Variants in ZNF385B observed in about 807,000 individuals in gnomAD.
ZNF385B encodes zinc finger protein 385B, also known as zinc finger protein 533.
A neutral mutation model predicts 39.2 loss-of-function variants in ZNF385B; 23 were observed. The ratio of observed to expected loss-of-function variants is 0.59; its 90% CI spans 0.42 to 0.83. The LOEUF is 0.83. Among genes scored for constraint, ZNF385B ranks in the 40% least tolerant of loss-of-function variants. The pLI is 0.00. For synonymous variants in ZNF385B, 205 were observed against 222.6 expected, an observed-to-expected ratio of 0.92 and a Z score of 0.70; for missense variants, 552 against 598.9, an observed-to-expected ratio of 0.92 and a Z score of 0.82.
At chr2:179,782,345 A>G (rs1233652632) in intron 1 of ZNF385B, among the ~76,000 whole-genome samples, 2 of 152,200 alleles carry the variant, frequency 1.3e-5, no homozygotes, top group Non-Finnish European at 2.9e-5. Flanking sequence ...CCAAATAATA[A>G]GAGCCATCTA....
chr2:179,640,820 A>G (rs538554634), intron 3 of ZNF385B, among the ~76,000 whole-genome samples: 10 of 152,326 alleles, frequency 6.6e-5, no homozygotes, highest in African/African-American at 2.4e-4. Flanking sequence ...ACATATTTTA[A>G]CGTTAGCCTG....
intron 1 of ZNF385B, among the ~76,000 whole-genome samples, chr2:179,777,769 G>GTTTTTTTTTTTTTTTT (rs71029831): frequency 2.1e-5 from 3 of 143,710 alleles, no homozygotes; most frequent in Non-Finnish European, 3.0e-5. Flanking sequence ...ATATCAAGAG[G>GTTTTTTTTTTTTTTTT]TTTTTTTTTT....
chr2:179,681,691 A>G (rs1427731669), intron 3 of ZNF385B, among the ~76,000 whole-genome samples: 1 of 152,224 alleles, frequency 6.6e-6, no homozygotes, highest in Non-Finnish European at 1.5e-5. Context: ...CTTCTACATT[A>G]TTAGAAAAAA....
At chr2:179,508,384 T>C (rs2057410493) in intron 5 of ZNF385B, among the ~76,000 whole-genome samples, 1 of 152,140 alleles carries the variant, frequency 6.6e-6, no homozygotes. Flanking sequence ...AAACCTTCAC[T>C]AAAGAAATCC....
At chr2:179,662,844 C>T (rs1312469635) in intron 3 of ZNF385B, among the ~76,000 whole-genome samples, 4 of 152,054 alleles carry the variant, frequency 2.6e-5, no homozygotes, top group African/African-American at 9.7e-5. Context: ...TTTTATGATG[C>T]ATACATGGCT....
intron 3 of ZNF385B, among the ~76,000 whole-genome samples, chr2:179,599,346 T>C (rs1256928460): frequency 1.3e-5 from 2 of 151,906 alleles, no homozygotes; most frequent in Admixed American, 6.6e-5. Context: ...TGGGAAGTAT[T>C]TAAAACAGTA....
chr2:179,648,366 T>C (rs76622546), intron 3 of ZNF385B, among the ~76,000 whole-genome samples: 1,668 of 152,026 alleles, frequency 0.011, 29 homozygotes, highest in African/African-American at 0.039. Context: ...AAGTTATAAA[T>C]AGGGAAAGGG....
chr2:179,656,625 G>A (rs1440273512), intron 3 of ZNF385B, among the ~76,000 whole-genome samples: 2 of 152,082 alleles, frequency 1.3e-5, no homozygotes, highest in Non-Finnish European at 2.9e-5. Flanking sequence ...CAGGATCATA[G>A]AGTGCTTTGA....
chr2:179,803,746 G>T (rs1350566519), intron 1 of ZNF385B, among the ~76,000 whole-genome samples: 1 of 151,970 alleles, frequency 6.6e-6, no homozygotes, highest in African/African-American at 2.4e-5. Context: ...AGATAATTCA[G>T]ATGTAAAGAG....
chr2:179,759,349 G>A (rs1464246189), intron 3 of ZNF385B, among the ~76,000 whole-genome samples: 1 of 152,122 alleles, frequency 6.6e-6, no homozygotes, highest in Non-Finnish European at 1.5e-5. Flanking sequence ...AAACCAGAAT[G>A]ACAGAGAGAA....
At chr2:179,606,834 T>C (rs566610228) in intron 3 of ZNF385B, among the ~76,000 whole-genome samples, 1 of 152,298 alleles carries the variant, frequency 6.6e-6, no homozygotes, top group African/African-American at 2.4e-5. Flanking sequence ...GTTACATTTT[T>C]GTAATTTTCA....
At chr2:179,523,817 G>A (rs1254588276) in intron 4 of ZNF385B, among the ~76,000 whole-genome samples, 1 of 152,088 alleles carries the variant, frequency 6.6e-6, no homozygotes, top group African/African-American at 2.4e-5. Flanking sequence ...TTTATTCTCA[G>A]AGACTTATTG....
intron 1 of ZNF385B, among the ~76,000 whole-genome samples, chr2:179,838,059 T>A (rs1708343490): frequency 6.6e-6 from 1 of 152,160 alleles, no homozygotes; most frequent in Non-Finnish European, 1.5e-5. Context: ...AAAACATAAA[T>A]CTCTGATATT....
chr2:179,490,655 T>C (rs1303586060), intron 5 of ZNF385B, among the ~76,000 whole-genome samples: 2 of 152,194 alleles, frequency 1.3e-5, no homozygotes, highest in Non-Finnish European at 2.9e-5. Context: ...TAAAATCATT[T>C]CTTACAATGG....
chr2:179,752,072 T>C (rs955209617), intron 3 of ZNF385B, among the ~76,000 whole-genome samples: 14 of 152,004 alleles, frequency 9.2e-5, no homozygotes, highest in African/African-American at 2.4e-4. Flanking sequence ...TCTCCTAATG[T>C]TATCCCTCCC....
chr2:179,566,703 A>G (rs1166539781), intron 3 of ZNF385B, among the ~76,000 whole-genome samples: 1 of 152,176 alleles, frequency 6.6e-6, no homozygotes, highest in Non-Finnish European at 1.5e-5. Flanking sequence ...TTTTTAATTT[A>G]CAATTCTAAA....
At chr2:179,829,818 A>G (rs1707885514) in intron 1 of ZNF385B, among the ~76,000 whole-genome samples, 1 of 152,210 alleles carries the variant, frequency 6.6e-6, no homozygotes, top group African/African-American at 2.4e-5. Context: ...CGGCCTGGAT[A>G]TGACTTTTTA....
chr2:179,780,279 A>G (rs558227045), intron 1 of ZNF385B, among the ~76,000 whole-genome samples: 15 of 152,268 alleles, frequency 9.9e-5, no homozygotes, highest in Non-Finnish European at 1.6e-4. Context: ...AAAAGACACA[A>G]AAGTCCAGGC....
chr2:179,704,448 A>T (rs1699438335), intron 3 of ZNF385B, among the ~76,000 whole-genome samples: 1 of 152,218 alleles, frequency 6.6e-6, no homozygotes, highest in Non-Finnish European at 1.5e-5. Flanking sequence ...GGAAGCATGT[A>T]TGGCTTTGAT....
Sources: allele counts gnomAD v4.1 joint callset (sites outside exome capture counted in the v4.1 genomes callset), GRCh38; gene constraint gnomAD v4.1.1; transcripts MANE v1.5; gene names NCBI Gene and HGNC (gene_info 2026-07-23, HGNC 2026-07-21).